The following MAGI3 variants were observed in gnomAD, a reference collection of about 807,000 sequenced individuals.
MAGI3 encodes membrane associated guanylate kinase, WW and PDZ domain containing 3.
A neutral mutation model predicts 121.8 loss-of-function variants in MAGI3; 43 were observed. The ratio of observed to expected loss-of-function variants is 0.35; its 90% CI spans 0.28 to 0.46. The LOEUF (loss-of-function observed/expected upper bound fraction) is 0.46, where lower values mean the gene tolerates loss of function less well. Among genes scored for constraint, MAGI3 ranks in the 20% least tolerant of loss-of-function variants. The pLI, the probability that MAGI3 is intolerant of heterozygous loss-of-function variation, is 1.00. For missense variants in MAGI3, 1,547 were observed against 1,797.3 expected (o/e 0.86, Z 2.52); for synonymous variants, 553 against 639.3 (o/e 0.86, Z 2.04).
chr1:113,511,491 A>C (rs888696988), intron 1 of MAGI3, among the ~76,000 whole-genome samples: 1 of 152,214 alleles, frequency 6.6e-6, no homozygotes, highest in Admixed American at 6.5e-5. Context: ...GGTGCCACTC[A>C]TACCTGGTGT....
intron 7 of MAGI3, among the ~76,000 whole-genome samples, chr1:113,617,290 A>G (rs185595526): frequency 1.1e-3 from 167 of 152,292 alleles, no homozygotes; most frequent in Non-Finnish European, 1.9e-3. Flanking sequence ...ATTGTGTACT[A>G]ATATTTAATC....
intron 2 of MAGI3, among the ~76,000 whole-genome samples, chr1:113,550,415 CAAAAA>C (rs1052081351): frequency 7.3e-6 from 1 of 137,216 alleles, no homozygotes; most frequent in Middle Eastern, 3.4e-3. Context: ...GATTCCGTCT[CAAAAA>C]AAAAAAGTAG....
chr1:113,582,781 C>A (rs951620860), intron 3 of MAGI3, among the ~76,000 whole-genome samples: 16 of 151,172 alleles, frequency 1.1e-4, no homozygotes, highest in African/African-American at 3.6e-4. Context: ...ATGTATATAT[C>A]CTTAAAGAGA....
At chr1:113,588,244 T>C (rs189432507) in intron 4 of MAGI3, among the ~76,000 whole-genome samples, 71 of 152,274 alleles carry the variant, frequency 4.7e-4, no homozygotes, top group Admixed American at 4.5e-3. Flanking sequence ...AAGAGCATTC[T>C]AGACAGACAG....
At chr1:113,571,790 T>G (rs1329580560) in intron 2 of MAGI3, among the ~76,000 whole-genome samples, 3 of 152,228 alleles carry the variant, frequency 2.0e-5, no homozygotes, top group Non-Finnish European at 4.4e-5. Context: ...AAGGAGTTTT[T>G]GGGCTGAGAA....
Position 113,646,637 on chromosome 1 carries a change from A to G in MAGI3, c.2150A>G (p.Asp717Gly), listed in dbSNP as rs1000186169. Reference sequence around the variant, plus strand: ...CTGAAATCTAAGACTTTATATGAAGATAAACGTAAGTAGTTGTGGAATATT... The same window carrying G: ...CTGAAATCTAAGACTTTATATGAAGGTAAACGTAAGTAGTTGTGGAATATT... ...VYLKSKTLYE[D>G]KPPNTKDLDV... Residue 717 changes from aspartate (D) to glycine (G), a missense_variant, in exon 12 of 21, where the codon GAT becomes GGT. Transcript: ENST00000307546. The G allele has an allele frequency of 6.3e-7, 1 of 1,588,762 alleles. No homozygotes were observed. The highest frequency in any genetic ancestry group is 8.6e-7 in the Non-Finnish European group (1 of 1,168,838).
intron 5 of MAGI3, among the ~76,000 whole-genome samples, chr1:113,593,685 G>A (rs991109119): frequency 1.3e-5 from 2 of 152,118 alleles, no homozygotes; most frequent in Non-Finnish European, 2.9e-5. Context: ...TAAGCAATGA[G>A]ATAGTTTCAT....
intron 1 of MAGI3, among the ~76,000 whole-genome samples, chr1:113,469,494 A>G (rs373537193): frequency 2.6e-5 from 4 of 152,130 alleles, no homozygotes; most frequent in African/African-American, 7.2e-5. Context: ...AAGATTTATT[A>G]AAGTTCAGCA....
chr1:113,683,637 A>C lies in MAGI3; in HGVS notation c.4069A>C (p.Lys1357Gln). ...EKSRTRSPEK[K>Q]IKRMVEKSLP... ...AAGCAGAACAAGGTCTCCAGAGAAA[A>C]AAATCAAAAGAATGGTTGAGAAATC... The change falls in exon 21 of 21, where the codon AAA (lysine) becomes CAA (glutamine). Residue 1357 changes from lysine (K) to glutamine (Q), a missense_variant. By Grantham distance (53) the Lys-to-Gln change is moderately conservative. Coordinates refer to ENST00000307546, the MANE Select transcript of MAGI3 (RefSeq NM_001142782.2). 1 of 1,612,976 alleles carries C rather than the reference A, an allele frequency of 6.2e-7. No individual in the cohort carries two copies. The highest frequency in any genetic ancestry group is 8.5e-7 in the Non-Finnish European group (1 of 1,179,542).
At chr1:113,646,403 TA>T in intron 11 of MAGI3, 82 bp from the exon 12 acceptor site, 2 of 1,135,736 alleles carry the variant, frequency 1.8e-6, no homozygotes, top group African/African-American at 3.1e-5. Flanking sequence ...TCAGTTGACA[TA>T]TCCATTTCAG....
At chr1:113,606,632 T>C (rs1398529256) in intron 6 of MAGI3, among the ~76,000 whole-genome samples, 2 of 152,184 alleles carry the variant, frequency 1.3e-5, no homozygotes, top group Non-Finnish European at 2.9e-5. Flanking sequence ...CTTTTGAGTC[T>C]TGGTTTTGAT....
intron 1 of MAGI3, among the ~76,000 whole-genome samples, chr1:113,447,783 G>A: frequency 6.6e-6 from 1 of 152,042 alleles, no homozygotes; most frequent in Non-Finnish European, 1.5e-5. Flanking sequence ...GAATCTGGGA[G>A]GCGGACGTTG....
intron 1 of MAGI3, among the ~76,000 whole-genome samples, chr1:113,514,890 A>G (rs1657810576): frequency 6.6e-6 from 1 of 152,164 alleles, no homozygotes; most frequent in Non-Finnish European, 1.5e-5. Context: ...ATAATATTAC[A>G]GTGTAAAATT....
At chr1:113,423,177 A>G (rs35947596) in intron 1 of MAGI3, among the ~76,000 whole-genome samples, 29,481 of 148,734 alleles carry the variant, frequency 0.2, 3,618 homozygotes, top group South Asian at 0.41. Flanking sequence ...CAACAGAACA[A>G]CTCTCAGTGG....
At chr1:113,446,342 A>G (rs749413593) in intron 1 of MAGI3, among the ~76,000 whole-genome samples, 11 of 152,330 alleles carry the variant, frequency 7.2e-5, no homozygotes, top group Non-Finnish European at 1.3e-4. Flanking sequence ...AGCATGTTAA[A>G]TGTAATCCCC....
chr1:113,518,647 G>A (rs1036449062), intron 1 of MAGI3, among the ~76,000 whole-genome samples: 5 of 151,998 alleles, frequency 3.3e-5, no homozygotes, highest in Non-Finnish European at 5.9e-5. Flanking sequence ...TGAGTGATGC[G>A]CCTATTCTTT....
At chr1:113,610,108 C>T (rs1442407810) in intron 6 of MAGI3, among the ~76,000 whole-genome samples, 1 of 152,056 alleles carries the variant, frequency 6.6e-6, no homozygotes, top group Non-Finnish European at 1.5e-5. Context: ...TGCCTAACAG[C>T]TTTACAAAGC....
chr1:113,623,135 A>C (rs2636006), intron 9 of MAGI3, 141 bp downstream of exon 9: 586,371 of 588,754 alleles, frequency 1, 292,051 homozygotes, highest in East Asian at 1. Flanking sequence ...AATAGTTTAT[A>C]CTTTAATTTA....
intron 2 of MAGI3, among the ~76,000 whole-genome samples, chr1:113,579,213 T>C (rs1216789537): frequency 6.6e-6 from 1 of 152,150 alleles, no homozygotes; most frequent in Non-Finnish European, 1.5e-5. Flanking sequence ...GGTTTCTGCA[T>C]GTTGCCATAC....
Sources: allele counts gnomAD v4.1 joint callset (sites outside exome capture counted in the v4.1 genomes callset), GRCh38; gene constraint gnomAD v4.1.1; transcripts MANE v1.5; gene names NCBI Gene and HGNC (gene_info 2026-07-23, HGNC 2026-07-21).